Variants in NTRK3 observed in about 807,000 individuals in gnomAD.
The protein encoded by NTRK3 is NT-3 growth factor receptor.
NTRK3 carries 24 observed loss-of-function variants against 91.7 expected under a neutral mutation model. The ratio of observed to expected loss-of-function variants is 0.26; its 90% CI spans 0.19 to 0.37. The LOEUF is 0.37. Ranked by LOEUF, NTRK3 falls within the 10% of genes least tolerant of loss-of-function variation. The pLI is 1.00. For missense variants in NTRK3, 880 were observed against 1,068.9 expected (o/e 0.82, Z 2.46); for synonymous variants, 483 against 404.0 (o/e 1.20, Z -2.34).
At chr15:88,103,366 G>C (rs1250315133) in intron 13 of NTRK3, among the ~76,000 whole-genome samples, 2 of 152,054 alleles carry the variant, frequency 1.3e-5, no homozygotes, top group African/African-American at 4.8e-5. Context: ...CAGAATGCCA[G>C]CCTGTCCTAC....
At chr15:87,912,805 G>A (rs1195249175) in intron 17 of NTRK3, among the ~76,000 whole-genome samples, 1 of 151,580 alleles carries the variant, frequency 6.6e-6, no homozygotes. Context: ...ACAGTTGGGT[G>A]GAGTAATAAA....
At chr15:88,206,551 A>G (rs1404130116) in intron 3 of NTRK3, among the ~76,000 whole-genome samples, 15 of 148,970 alleles carry the variant, frequency 1.0e-4, no homozygotes, top group South Asian at 2.1e-4. Flanking sequence ...CCAGCTACTC[A>G]GGAGGCTGAG....
chr15:88,066,902 C>T (rs926207797), intron 13 of NTRK3, among the ~76,000 whole-genome samples: 5 of 152,170 alleles, frequency 3.3e-5, no homozygotes, highest in African/African-American at 1.2e-4. Context: ...GCTGGAAAGG[C>T]CTGATCCTTA....
intron 3 of NTRK3, among the ~76,000 whole-genome samples, chr15:88,248,516 T>TTG (rs4034650): frequency 1.1e-3 from 169 of 150,684 alleles, no homozygotes; most frequent in South Asian, 5.7e-3. Context: ...AGTAATATAT[T>TTG]TGTGTGTGTG....
At position 88,234,760 on chromosome 15, in the gene NTRK3, G is replaced by A. The variant is rs2051536867; in HGVS notation, c.248+21146C>T. Among the ~76,000 whole-genome samples, 1 of 152,038 alleles carries A rather than the reference G, an allele frequency of 6.6e-6. No homozygotes were observed. Among genetic ancestry groups the A allele is most frequent in the South Asian group, 2.1e-4 (1 of 4,818 alleles). On this transcript the variant is annotated intron_variant, in intron 3 of 18. Coordinates refer to ENST00000394480, the Ensembl canonical transcript of NTRK3. This position sits in a 1 kb window ranked among gnomAD's most constrained non-coding sequence, Gnocchi z 6.1. Reference sequence around the variant, plus strand: ...TCTTGTTTAAAAGGAAAACCCTCTGGGACTTCCTATTTTGCTAGGACTAAA... The same window carrying A: ...TCTTGTTTAAAAGGAAAACCCTCTGAGACTTCCTATTTTGCTAGGACTAAA...
chr15:87,864,076 T>G (rs2141379821), exon 19 of NTRK3: 3 of 231,494 alleles, frequency 1.3e-5, no homozygotes, highest in East Asian at 6.1e-5. Flanking sequence ...CCCCCAACAG[T>G]ACACAAATCT....
intron 5 of NTRK3, among the ~76,000 whole-genome samples, chr15:88,176,997 C>G (rs575822665): frequency 6.6e-6 from 1 of 152,248 alleles, no homozygotes; most frequent in African/African-American, 2.4e-5. Flanking sequence ...GAGAAGGGGC[C>G]AGCCATGCCA....
intron 12 of NTRK3, 36 bp from the exon 13 acceptor site, chr15:88,126,409 C>T (rs771979916): frequency 7.0e-7 from 1 of 1,420,246 alleles, no homozygotes. Flanking sequence ...CAGCAACAAT[C>T]ACAGAAAACC....
intron 3 of NTRK3, among the ~76,000 whole-genome samples, chr15:88,250,766 G>A (rs1019558139): frequency 5.3e-5 from 8 of 152,210 alleles, no homozygotes; most frequent in African/African-American, 1.7e-4. Context: ...GTACCAAGCT[G>A]TATTGATCAT....
intron 14 of NTRK3, among the ~76,000 whole-genome samples, chr15:87,960,175 C>T (rs2072110870): frequency 6.6e-6 from 1 of 152,198 alleles, no homozygotes; most frequent in South Asian, 2.1e-4. Flanking sequence ...AATCCAGGAC[C>T]TCCTGTCAAA....
intron 3 of NTRK3, among the ~76,000 whole-genome samples, chr15:88,187,376 G>T (rs2047026888): frequency 6.6e-6 from 1 of 152,206 alleles, no homozygotes; most frequent in African/African-American, 2.4e-5. Context: ...CATCAGCTGG[G>T]CACCTGCCAA....
exon 19 of NTRK3, chr15:87,872,901 C>T (rs2141416145): frequency 4.3e-6 from 1 of 233,068 alleles, no homozygotes; most frequent in Admixed American, 5.6e-5. Flanking sequence ...TCTTAAACGT[C>T]TCAAATGAGA....
intron 17 of NTRK3, among the ~76,000 whole-genome samples, chr15:87,893,186 G>T (rs951159622): frequency 6.6e-6 from 1 of 152,096 alleles, no homozygotes; most frequent in African/African-American, 2.4e-5. Flanking sequence ...TTTCCCCAAG[G>T]CTGTATCGTA....
At chr15:87,915,024 G>A (rs2067348576) in intron 17 of NTRK3, among the ~76,000 whole-genome samples, 3 of 152,116 alleles carry the variant, frequency 2.0e-5, no homozygotes, top group Non-Finnish European at 4.4e-5. Flanking sequence ...AATGATGTTG[G>A]TGATGGTGGC....
chr15:88,156,863 T>C (rs988309036), intron 5 of NTRK3, among the ~76,000 whole-genome samples: 17 of 152,108 alleles, frequency 1.1e-4, no homozygotes, highest in Non-Finnish European at 1.5e-4. Flanking sequence ...TCAAAGAACG[T>C]ATGGAAAGTT....
intron 14 of NTRK3, among the ~76,000 whole-genome samples, chr15:88,028,008 A>G (rs1312806088): frequency 8.5e-5 from 13 of 152,284 alleles, no homozygotes; most frequent in African/African-American, 3.1e-4. Context: ...GTGTTAAAAG[A>G]CGAACAGGGT....
chr15:88,043,535 C>T (rs1296452916), intron 13 of NTRK3, among the ~76,000 whole-genome samples: 3 of 152,222 alleles, frequency 2.0e-5, no homozygotes, highest in African/African-American at 7.2e-5. Context: ...TGTTGAACTG[C>T]TACAGTCCTC....
chr15:88,093,653 G>A (rs1017817981), intron 13 of NTRK3, among the ~76,000 whole-genome samples: 36 of 152,244 alleles, frequency 2.4e-4, no homozygotes, highest in Middle Eastern at 3.4e-3. Flanking sequence ...AGAACATGTG[G>A]TCTGATCCCT....
Position 88,170,098 on chromosome 15 carries a change from G to A in NTRK3, c.395+13320C>T, listed in dbSNP as rs564212302. Reference sequence around the variant, plus strand: ...GCATGAATTCTCCTGAGGCAGAGAAGGCCCTCAACAGATGTTCCTGGAGGG... The same window carrying A: ...GCATGAATTCTCCTGAGGCAGAGAAAGCCCTCAACAGATGTTCCTGGAGGG... On this transcript the variant is annotated intron_variant, in intron 5 of 18. Coordinates refer to ENST00000394480, the Ensembl canonical transcript of NTRK3. Among the ~76,000 whole-genome samples the A allele has an allele frequency of 2.5e-4, 38 of 152,256 alleles. No individual in the cohort carries two copies. The South Asian group carries it at 7.9e-3, about 32-fold the overall frequency.
Sources: gnomAD v4.1 joint callset for allele counts (sites outside exome capture counted in the v4.1 genomes callset) on GRCh38, gnomAD v4.1.1 for gene constraint, Gnocchi (gnomAD v3.1) non-coding constraint, MANE v1.5 for transcripts, NCBI Gene and HGNC (gene_info 2026-07-23, HGNC 2026-07-21) for gene names.